The following RALYL variants were observed in gnomAD, a reference collection of about 807,000 sequenced individuals.
RALYL encodes the protein RALY RNA binding protein like.
Under a neutral mutation model 35.1 loss-of-function variants are expected in RALYL, and 29 were observed. The observed-to-expected ratio is 0.83, with a 90% CI of 0.61 to 1.13. RALYL has a LOEUF of 1.13. Ranked by LOEUF, RALYL falls within the 50% of genes most tolerant of loss-of-function variation. The pLI, the probability that RALYL is intolerant of heterozygous loss-of-function variation, is 0.00. For synonymous variants in RALYL, 120 were observed against 127.6 expected (o/e 0.94, Z 0.40); for missense variants, 359 against 360.4 (o/e 1.00, Z 0.03).
chr8:84,728,822 C>T (rs1031567694), intron 2 of RALYL, among the ~76,000 whole-genome samples: 3 of 152,078 alleles, frequency 2.0e-5, no homozygotes, highest in Non-Finnish European at 4.4e-5. Flanking sequence ...CTGTTCTGTT[C>T]CATTGATCTA....
intron 4 of RALYL, among the ~76,000 whole-genome samples, chr8:84,832,692 ATTATG>A (rs1451780802): frequency 1.3e-5 from 2 of 152,132 alleles, no homozygotes; most frequent in Admixed American, 6.5e-5. Flanking sequence ...TTTTAATGAA[ATTATG>A]AAACTTTAAC....
chr8:84,205,634 T>C (rs1817885638), intron 1 of RALYL, among the ~76,000 whole-genome samples: 2 of 152,202 alleles, frequency 1.3e-5, no homozygotes, highest in Admixed American at 1.3e-4. Flanking sequence ...ATATTAGCAC[T>C]AGTTATCAAT....
rs565139733 is a variant in RALYL at position 84,304,498 on chromosome 8, G to A, written c.-24+120074G>A. ...TCTTTAACTTCAATTATCTTCTTTA[G>A]AAAATGAGTTGTTCTCATCTTCTTA... On this transcript the variant is annotated intron_variant, in intron 1 of 8. Coordinates refer to ENST00000521268, the MANE Select transcript of RALYL (RefSeq NM_173848.7). 2.1e-3 allele frequency among the ~76,000 whole-genome samples: 317 copies of A among 152,044 alleles called. 1 individual carries two copies. Among genetic ancestry groups the A allele is most frequent in the Non-Finnish European group, 3.7e-3 (249 of 67,984 alleles).
intron 2 of RALYL, among the ~76,000 whole-genome samples, chr8:84,702,539 T>TCACACACACACACACA (rs10678224): frequency 8.1e-5 from 11 of 136,532 alleles, no homozygotes; most frequent in African/African-American, 3.4e-4. Context: ...TCTCTCTCTC[T>TCACACACACACACACA]CACACACACA....
rs184419620 is a variant in RALYL, at chr8:84,359,639, G to A, written c.-23-169660G>A. On this transcript the variant is annotated intron_variant, in intron 1 of 8. Transcript: ENST00000521268. ...ATAAAACAAAGATCAGACTTTCCTCGTTTGTATATAATAAATTAATGCTTT... is the reference window on the plus strand; with the variant it reads ...ATAAAACAAAGATCAGACTTTCCTCATTTGTATATAATAAATTAATGCTTT... 1.5e-3 allele frequency among the ~76,000 whole-genome samples: 225 copies of A among 151,894 alleles called. 5 individuals carry two copies. In the South Asian group the frequency reaches 0.033, roughly 22 times the overall value.
chr8:84,823,109 T>C (rs1343749785), intron 4 of RALYL, among the ~76,000 whole-genome samples: 1 of 152,152 alleles, frequency 6.6e-6, no homozygotes, highest in Non-Finnish European at 1.5e-5. Flanking sequence ...TTATATGCTA[T>C]CGTTATAGCA....
intron 2 of RALYL, among the ~76,000 whole-genome samples, chr8:84,544,518 C>T (rs1346074510): frequency 6.6e-6 from 1 of 150,618 alleles, no homozygotes; most frequent in East Asian, 2.0e-4. Flanking sequence ...GTAGATGCTC[C>T]ATGTGCCATA....
intron 1 of RALYL, among the ~76,000 whole-genome samples, chr8:84,431,232 G>A (rs932900914): frequency 6.6e-6 from 1 of 151,928 alleles, no homozygotes; most frequent in African/African-American, 2.4e-5. Context: ...AAGGCAGGAA[G>A]GGGCATCATA....
At chr8:84,705,199 C>T (rs1031951526) in intron 2 of RALYL, among the ~76,000 whole-genome samples, 1 of 152,178 alleles carries the variant, frequency 6.6e-6, no homozygotes, top group East Asian at 1.9e-4. Flanking sequence ...GAAGGCAGAG[C>T]TTCCACCTTG....
At chr8:84,184,915 C>T (rs1351536528) in intron 1 of RALYL, 1 of 1,551,774 alleles carries the variant, frequency 6.4e-7, no homozygotes, top group East Asian at 2.2e-5. Flanking sequence ...CTCCAGGCCA[C>T]GCGAGCCGGA....
intron 6 of RALYL, among the ~76,000 whole-genome samples, chr8:84,870,598 T>TATAC (rs1840030840): frequency 6.6e-6 from 1 of 151,116 alleles, no homozygotes; most frequent in East Asian, 1.9e-4. Context: ...TATATATATA[T>TATAC]ATGCTCAACT....
chr8:84,917,893 A>C (rs1364697089), intron 8 of RALYL, among the ~76,000 whole-genome samples: 1 of 152,060 alleles, frequency 6.6e-6, no homozygotes, highest in Admixed American at 6.6e-5. Flanking sequence ...GTTACTTAAA[A>C]ATTTGAATTG....
At chr8:84,393,719 T>C (rs1665711341) in intron 1 of RALYL, among the ~76,000 whole-genome samples, 1 of 152,046 alleles carries the variant, frequency 6.6e-6, no homozygotes, top group Non-Finnish European at 1.5e-5. Flanking sequence ...TAATCAGACT[T>C]CTCTTGCTTA....
At chr8:84,242,457 C>CA (rs1828154205) in intron 1 of RALYL, among the ~76,000 whole-genome samples, 2 of 152,324 alleles carry the variant, frequency 1.3e-5, no homozygotes, top group African/African-American at 4.8e-5. Flanking sequence ...TACATTCCCA[C>CA]CAACAGTGTA....
chr8:84,399,311 T>G (rs981955945), intron 1 of RALYL, among the ~76,000 whole-genome samples: 1 of 152,186 alleles, frequency 6.6e-6, no homozygotes, highest in African/African-American at 2.4e-5. Context: ...GTGCCCCCAT[T>G]TTATAGCTAG....
At chr8:84,333,803 C>T (rs1003139599) in intron 1 of RALYL, among the ~76,000 whole-genome samples, 1 of 152,062 alleles carries the variant, frequency 6.6e-6, no homozygotes, top group Non-Finnish European at 1.5e-5. Flanking sequence ...TGAGTATATA[C>T]CTCAATAGTA....
intron 1 of RALYL, among the ~76,000 whole-genome samples, chr8:84,362,583 T>C (rs1390217838): frequency 6.6e-6 from 1 of 152,162 alleles, no homozygotes; most frequent in Non-Finnish European, 1.5e-5. Flanking sequence ...GAACTGCACA[T>C]GCGAGGGATC....
chr8:84,369,266 T>C (rs899548827), intron 1 of RALYL, among the ~76,000 whole-genome samples: 2 of 152,134 alleles, frequency 1.3e-5, no homozygotes, highest in African/African-American at 2.4e-5. Flanking sequence ...ACAAGAAAAC[T>C]GGCATCAAAC....
chr8:84,546,784 A>G (rs898682492), intron 2 of RALYL, among the ~76,000 whole-genome samples: 4 of 152,178 alleles, frequency 2.6e-5, no homozygotes, highest in African/African-American at 9.6e-5. Flanking sequence ...AACCAAGTGT[A>G]TCTAGGGATT....
Sources: gnomAD v4.1 joint callset for allele counts (sites outside exome capture counted in the v4.1 genomes callset) on GRCh38, gnomAD v4.1.1 for gene constraint, MANE v1.5 for transcripts, NCBI Gene and HGNC (gene_info 2026-07-23, HGNC 2026-07-21) for gene names.